The following TMEM87A variants were observed in gnomAD, a reference collection of about 807,000 sequenced individuals.
The protein encoded by TMEM87A is transmembrane protein 87A.
A neutral mutation model predicts 90.0 loss-of-function variants in TMEM87A; 50 were observed. The observed-to-expected ratio is 0.56, with a 90% CI of 0.44 to 0.70. The LOEUF is 0.70. TMEM87A is among the 30% of genes least tolerant of loss of function. The pLI is 0.00. For synonymous variants in TMEM87A, 226 were observed against 226.7 expected, an observed-to-expected ratio of 1.00 and a Z score of 0.03; for missense variants, 577 against 660.5, an observed-to-expected ratio of 0.87 and a Z score of 1.39.
chr15:42,245,564 G>A (rs1023845636), intron 6 of TMEM87A, among the ~76,000 whole-genome samples: 1 of 127,516 alleles, frequency 7.8e-6, no homozygotes, highest in East Asian at 2.2e-4. Flanking sequence ...TCGCTCCATC[G>A]CCCAGGCAGG....
In TMEM87A at chr15:42,237,601, C is replaced by A. The variant is rs754037472; in HGVS notation, c.699G>T (p.Met233Ile). 24 of 1,586,756 alleles carry A rather than the reference C, an allele frequency of 1.5e-5. No individual in the cohort carries two copies. The highest frequency in any genetic ancestry group is 2.1e-5 in the Non-Finnish European group (24 of 1,165,810). The change falls in exon 9 of 20, where the codon ATG becomes ATT. Residue 233 changes from methionine to isoleucine, a missense_variant. Met to Ile is a conservative substitution (Grantham distance 10, BLOSUM62 1). Coordinates refer to ENST00000389834, the MANE Select transcript of TMEM87A (RefSeq NM_015497.5). ...DYPLMIFFMVMCIVYVLFGVL... is the reference protein window; with the variant it reads ...DYPLMIFFMVICIVYVLFGVL... ...CACCAAACAGGACATATACAATACA[C>A]ATCACCATGAAAAACTGTTATCAAA...
intron 3 of TMEM87A, among the ~76,000 whole-genome samples, chr15:42,264,491 A>G (rs1177244898): frequency 6.6e-6 from 1 of 152,072 alleles, no homozygotes; most frequent in African/African-American, 2.4e-5. Flanking sequence ...TCACATTAAA[A>G]TATACTTAAA....
At chr15:42,215,163 T>G (rs1737472980) in intron 19 of TMEM87A, among the ~76,000 whole-genome samples, 1 of 152,312 alleles carries the variant, frequency 6.6e-6, no homozygotes, top group African/African-American at 2.4e-5. Flanking sequence ...ATGGTAAGTA[T>G]TTGGGTATCT....
At chr15:42,259,968 TG>T (rs1303766145) in intron 6 of TMEM87A, among the ~76,000 whole-genome samples, 1 of 151,844 alleles carries the variant, frequency 6.6e-6, no homozygotes, top group Admixed American at 6.6e-5. Context: ...GCGGAGTGAC[TG>T]ATGAGTATGG....
intron 17 of TMEM87A, among the ~76,000 whole-genome samples, chr15:42,219,158 T>C (rs2050429738): frequency 6.6e-6 from 1 of 152,238 alleles, no homozygotes; most frequent in African/African-American, 2.4e-5. Flanking sequence ...CCCTGAGGAT[T>C]AGTAATGATA....
intron 2 of TMEM87A, among the ~76,000 whole-genome samples, chr15:42,270,583 G>A (rs1255282251): frequency 1.3e-5 from 2 of 152,058 alleles, no homozygotes; most frequent in African/African-American, 2.4e-5. Flanking sequence ...GTGACAGAGT[G>A]AGACACCATC....
chr15:42,256,206 T>A (rs1219549041), intron 6 of TMEM87A, among the ~76,000 whole-genome samples: 1 of 152,162 alleles, frequency 6.6e-6, no homozygotes, highest in African/African-American at 2.4e-5. Context: ...AGTGGTGCAA[T>A]CATGGCTCAC....
At chr15:42,237,141 A>G (rs888877854) in intron 9 of TMEM87A, among the ~76,000 whole-genome samples, 3 of 152,200 alleles carry the variant, frequency 2.0e-5, no homozygotes, top group African/African-American at 7.2e-5. Context: ...TCTTAGATGT[A>G]TAATGGTGCC....
chr15:42,269,942 C>CAAAAAA (rs11308996), intron 2 of TMEM87A, among the ~76,000 whole-genome samples: 1 of 71,672 alleles, frequency 1.4e-5, no homozygotes, highest in African/African-American at 5.4e-5. Flanking sequence ...GACTCCGTCT[C>CAAAAAA]AAAAAAAAAA....
intron 4 of TMEM87A, among the ~76,000 whole-genome samples, chr15:42,261,481 G>A (rs539382191): frequency 5.2e-4 from 79 of 152,170 alleles, no homozygotes; most frequent in Admixed American, 9.2e-4. Context: ...TTTTCTATCA[G>A]AATAATAAAC....
chr15:42,245,520 C>CTTTTTTTTTTT (rs550453415), intron 6 of TMEM87A, among the ~76,000 whole-genome samples: 1 of 118,430 alleles, frequency 8.4e-6, no homozygotes, highest in African/African-American at 3.4e-5. Context: ...ACATTTATTA[C>CTTTTTTTTTTT]TTTTTTTTTT....
At chr15:42,218,222 G>T in intron 18 of TMEM87A, 101 bp downstream of exon 18, 1 of 1,124,472 alleles carries the variant, frequency 8.9e-7, no homozygotes, top group South Asian at 1.4e-5. Flanking sequence ...TTATTTTTCA[G>T]TATCTTGTAT....
intron 6 of TMEM87A, chr15:42,258,699 T>C (rs1208847008): frequency 8.1e-7 from 1 of 1,227,218 alleles, no homozygotes; most frequent in African/African-American, 1.5e-5. Flanking sequence ...AGTGTTGGCA[T>C]TACAGGCGTG....
intron 4 of TMEM87A, among the ~76,000 whole-genome samples, chr15:42,263,008 T>G (rs1259046565): frequency 6.6e-6 from 1 of 152,224 alleles, no homozygotes; most frequent in African/African-American, 2.4e-5. Context: ...TTCTACAAAA[T>G]TAAGGTGTGA....
chr15:42,211,139 T>A lies in TMEM87A; in HGVS notation c.*569A>T, dbSNP rs1406519414. 1.9e-4 allele frequency: 1 copy of A among 5,262 alleles called. No homozygotes were observed. The highest frequency in any genetic ancestry group is 6.2e-3 in the Non-Finnish European group (1 of 162). 0.3% of individuals were successfully genotyped at this position (5,262 alleles called of 1,614,324 possible). ...CTGAATCATACTGTAACAGTTTCTCTTTTTTTTTTTTTCTTTTGATCATTG... is the reference window on the plus strand; with the variant it reads ...CTGAATCATACTGTAACAGTTTCTCATTTTTTTTTTTTCTTTTGATCATTG... On this transcript the variant is annotated 3_prime_UTR_variant, in exon 20 of 20. Coordinates refer to ENST00000389834, the MANE Select transcript of TMEM87A (RefSeq NM_015497.5).
intron 13 of TMEM87A, among the ~76,000 whole-genome samples, chr15:42,228,470 A>C (rs2050633871): frequency 6.6e-6 from 1 of 152,212 alleles, no homozygotes. Flanking sequence ...GAAAGAATGC[A>C]AATAGAAGAG....
chr15:42,258,137 T>C (rs748008509), intron 6 of TMEM87A: 121 of 977,546 alleles, frequency 1.2e-4, no homozygotes, highest in Non-Finnish European at 1.4e-4. Context: ...TGCAATGTAC[T>C]CATACAATAA....
intron 15 of TMEM87A, among the ~76,000 whole-genome samples, chr15:42,220,690 C>T (rs893471687): frequency 1.3e-5 from 2 of 152,226 alleles, no homozygotes; most frequent in African/African-American, 4.8e-5. Context: ...TGGTATATCT[C>T]AGATGCCTTT....
At chr15:42,243,097 T>A (rs1009469319) in intron 7 of TMEM87A, among the ~76,000 whole-genome samples, 3 of 151,764 alleles carry the variant, frequency 2.0e-5, no homozygotes, top group African/African-American at 7.3e-5. Context: ...AAACTCCGTC[T>A]CCACTAAAAA....
Sources: allele counts gnomAD v4.1 joint callset (sites outside exome capture counted in the v4.1 genomes callset), GRCh38; gene constraint gnomAD v4.1.1; transcripts MANE v1.5; gene names NCBI Gene and HGNC (gene_info 2026-07-23, HGNC 2026-07-21).